CLPX: variants seen among roughly 807,000 people sequenced by gnomAD.
CLPX encodes ATP-dependent clpX-like chaperone, mitochondrial.
CLPX carries 34 observed loss-of-function variants against 76.4 expected under a neutral mutation model. That is an observed-to-expected ratio of 0.45 (90% confidence interval 0.34 to 0.59). The LOEUF (loss-of-function observed/expected upper bound fraction) is 0.59. CLPX is among the 20% of genes least tolerant of loss of function. The probability of loss-of-function intolerance (pLI) is 0.01; values close to 1 mark genes in which losing one functional copy is unlikely to be tolerated. For synonymous variants in CLPX, 248 were observed against 270.9 expected (o/e 0.92, Z 0.83); for missense variants, 613 against 757.0 (o/e 0.81, Z 2.23).
intron 8 of CLPX, among the ~76,000 whole-genome samples, chr15:65,157,182 C>T (rs1308943684): frequency 2.0e-5 from 3 of 152,180 alleles, no homozygotes; most frequent in Non-Finnish European, 2.9e-5. Context: ...CAGTGATTTG[C>T]CCCACTAATG....
chr15:65,165,736 C>T lies in CLPX; in HGVS notation c.513+895G>A, dbSNP rs183333355. On this transcript the variant is annotated intron_variant, in intron 4 of 13. Coordinates refer to ENST00000300107, the MANE Select transcript of CLPX (RefSeq NM_006660.5). ...CACATGTCTAAAGTCTACACAAATT[C>T]GTATAGAATATAAAGCCCAATATAT... 1.5e-3 allele frequency among the ~76,000 whole-genome samples: 225 copies of T among 152,116 alleles called. 5 individuals are homozygous for T. The highest frequency in any genetic ancestry group is 2.8e-4 in the Non-Finnish European group (19 of 68,002).
At chr15:65,170,716 G>A (rs1190211616) in intron 3 of CLPX, among the ~76,000 whole-genome samples, 2 of 151,746 alleles carry the variant, frequency 1.3e-5, no homozygotes, top group Non-Finnish European at 2.9e-5. Context: ...GTTGCAGTGA[G>A]CCAAGACCAC....
intron 1 of CLPX, among the ~76,000 whole-genome samples, chr15:65,183,016 A>AGTGGGGCGTG (rs1246314210): frequency 6.6e-6 from 1 of 151,790 alleles, no homozygotes; most frequent in Non-Finnish European, 1.5e-5. Flanking sequence ...TATAAAAATT[A>AGTGGGGCGTG]GTGGGGCGTG....
At chr15:65,164,439 A>G (rs2087886828) in intron 4 of CLPX, among the ~76,000 whole-genome samples, 2 of 152,200 alleles carry the variant, frequency 1.3e-5, no homozygotes, top group African/African-American at 2.4e-5. Context: ...GCTAATTTCT[A>G]TTCTATAAAC....
rs575291277 is a variant in CLPX, at chr15:65,175,009, A to G, written c.358+3925T>C. On this transcript the variant is annotated intron_variant, in intron 3 of 13. Transcript: ENST00000300107. The stretch of plus-strand genomic sequence containing the variant: ...ATATGTTATAGAACTTTATAGCTTC[A>G]TCTATCAGGGTCTATTCTTTTCTCA... Among the ~76,000 whole-genome samples, 8 of 152,364 alleles carry G rather than the reference A, an allele frequency of 5.3e-5. No individual in the cohort carries two copies. The East Asian group carries it at 1.3e-3, about 26-fold the overall frequency.
At chr15:65,151,456 GAAAAAAA>G (rs529752332) in intron 13 of CLPX, among the ~76,000 whole-genome samples, 1 of 74,596 alleles carries the variant, frequency 1.3e-5, no homozygotes, top group African/African-American at 5.9e-5. Flanking sequence ...ATTACTGGGA[GAAAAAAA>G]AAAAAAAAAA....
intron 3 of CLPX, among the ~76,000 whole-genome samples, chr15:65,168,383 C>CA (rs71136319): frequency 0.022 from 798 of 35,606 alleles, 110 homozygotes; most frequent in African/African-American, 0.081. Context: ...GACTCTGTCT[C>CA]AAAAAAAAAA....
At chr15:65,169,679 C>T (rs927327483) in intron 3 of CLPX, among the ~76,000 whole-genome samples, 3 of 151,780 alleles carry the variant, frequency 2.0e-5, no homozygotes, top group Admixed American at 6.6e-5. Context: ...TGGTGCCCAT[C>T]GTGCCCTCTT....
intron 12 of CLPX, among the ~76,000 whole-genome samples, chr15:65,152,895 CCT>C (rs1242502660): frequency 6.6e-6 from 1 of 150,642 alleles, no homozygotes; most frequent in African/African-American, 2.4e-5. Context: ...CCATGCCCAG[CCT>C]CTTTTTTTTT....
At chr15:65,152,728 T>C (rs2087738537) in intron 12 of CLPX, among the ~76,000 whole-genome samples, 192 bp from the exon 13 acceptor site, 1 of 150,614 alleles carries the variant, frequency 6.6e-6, no homozygotes, top group African/African-American at 2.4e-5. Context: ...GGATTATAGC[T>C]GTGATTACAG....
intron 12 of CLPX, among the ~76,000 whole-genome samples, 175 bp from the exon 13 acceptor site, chr15:65,152,711 A>G (rs1023075689): frequency 6.7e-6 from 1 of 149,472 alleles, no homozygotes; most frequent in African/African-American, 2.4e-5. Context: ...ATATATATAT[A>G]TATTTGGGAT....
chr15:65,159,323 T>C (rs2087825559), intron 6 of CLPX, among the ~76,000 whole-genome samples: 1 of 152,230 alleles, frequency 6.6e-6, no homozygotes. Flanking sequence ...CTGACATTGC[T>C]AGTGAGGTTA....
intron 1 of CLPX, among the ~76,000 whole-genome samples, chr15:65,181,930 TG>T (rs1477579564): frequency 6.6e-6 from 1 of 151,626 alleles, no homozygotes; most frequent in Non-Finnish European, 1.5e-5. Flanking sequence ...GAGACCATCC[TG>T]GCTAATACGG....
At position 65,154,973 on chromosome 15, in the gene CLPX, CTTCAATGTCTTGGTGAGTA is replaced by C. The variant is rs766291841; in HGVS notation, c.1401_1419del (p.Asn467LysfsTer15). ...ACATGACGCAATAACCGATCTTTTT[CTTCAATGTCTTGGTGAGTA>C]TTCGATTCCCCACTTCGATTAGCAA... On this transcript the variant is annotated frameshift_variant, in exon 11 of 14. Coordinates refer to ENST00000300107, the MANE Select transcript of CLPX (RefSeq NM_006660.5). LOFTEE classifies it high-confidence loss of function. 1 of 1,614,160 alleles carries C rather than the reference CTTCAATGTCTTGGTGAGTA, an allele frequency of 6.2e-7. No homozygotes were observed. The highest frequency in any genetic ancestry group is 2.2e-5 in the East Asian group (1 of 44,880).
rs150492957 is a variant in CLPX, at chr15:65,179,470, G to A, written c.241-419C>T. Among the ~76,000 whole-genome samples, 874 of 152,200 alleles carry A rather than the reference G, an allele frequency of 5.7e-3. 5 individuals are homozygous for A. Among genetic ancestry groups the A allele is most frequent in the Middle Eastern group, 0.014 (4 of 294 alleles). ...TGGGAATAATTTTACTCACATCAGA[G>A]TCACTGTTAAGTATGGATATGTAAG... On this transcript the variant is annotated intron_variant, in intron 2 of 13. Transcript: ENST00000300107.
Position 65,150,796 on chromosome 15 carries a change from G to A in CLPX, c.*27C>T, listed in dbSNP as rs2087709795. ...ATCCTAAACAAAAGAAGGAAAAGCTGTATATACAAGACAGCAATATGACAG... is the reference window on the plus strand; with the variant it reads ...ATCCTAAACAAAAGAAGGAAAAGCTATATATACAAGACAGCAATATGACAG... On this transcript the variant is annotated 3_prime_UTR_variant, in exon 14 of 14. Transcript: ENST00000300107. The A allele has an allele frequency of 3.3e-6, 5 of 1,509,348 alleles. No homozygotes were observed. Among genetic ancestry groups the A allele is most frequent in the Non-Finnish European group, 3.7e-6 (4 of 1,091,886 alleles). The allele number at this position is 1,509,348 out of a possible 1,614,324, so 93.5% of individuals were successfully genotyped here. A position where few individuals can be genotyped will look rare whatever the true frequency, so the allele number is the denominator to read the frequency against.
rs533556711 is a variant in CLPX, at chr15:65,175,980, G to A, written c.358+2954C>T. ...CTGCATATTTTCTGAGCCTAGTGAT[G>A]TCTGAATCAACACATTTGCTATTAA... is the stretch of plus-strand genomic sequence containing the variant. On this transcript the variant is annotated intron_variant, in intron 3 of 13. Transcript: ENST00000300107. Among the ~76,000 whole-genome samples, 14 of 152,308 alleles carry A rather than the reference G, an allele frequency of 9.2e-5. No individual in the cohort carries two copies. In the South Asian group the frequency reaches 2.9e-3, roughly 32 times the overall value.
intron 5 of CLPX, among the ~76,000 whole-genome samples, chr15:65,163,493 G>A (rs1438505620): frequency 1.1e-3 from 165 of 152,124 alleles, no homozygotes; most frequent in Non-Finnish European, 7.4e-5. Flanking sequence ...AGAAATTGGG[G>A]CTGTCTGGCC....
At position 65,178,947 on chromosome 15, in the gene CLPX, T is replaced by C. The variant is rs747366233; in HGVS notation, c.345A>G (p.Val115=). Residue 115 remains valine, a synonymous_variant, in exon 3 of 14, where the codon GTA becomes GTG. Coordinates refer to ENST00000300107, the MANE Select transcript of CLPX (RefSeq NM_006660.5). ...CPKCGDLCTH[V]ETFVSSTRFV... ...TGTAATACTTACATACAAAGGTCTC[T>C]ACATGTGTGCACAAGTCGCCACATT... is the stretch of plus-strand genomic sequence containing the variant. 40 of 1,596,188 alleles carry C rather than the reference T, an allele frequency of 2.5e-5. No homozygotes were observed. In the Middle Eastern group the frequency reaches 5.0e-4, roughly 20 times the overall value.
Sources: gnomAD v4.1 joint callset for allele counts (sites outside exome capture counted in the v4.1 genomes callset) on GRCh38, gnomAD v4.1.1 for gene constraint, MANE v1.5 for transcripts, NCBI Gene and HGNC (gene_info 2026-07-23, HGNC 2026-07-21) for gene names.